The following S100PBP variants were observed in gnomAD, a reference collection of about 807,000 sequenced individuals.
The protein encoded by S100PBP is S100P-binding protein.
A neutral mutation model predicts 39.9 loss-of-function variants in S100PBP; 15 were observed. That is an observed-to-expected ratio of 0.38 (90% CI 0.25 to 0.58). The LOEUF is 0.58. Among genes scored for constraint, S100PBP ranks in the 20% least tolerant of loss-of-function variants. S100PBP has a pLI of 0.70. For synonymous variants in S100PBP, 178 were observed against 180.3 expected, an observed-to-expected ratio of 0.99 and a Z score of 0.10; for missense variants, 504 against 487.3, an observed-to-expected ratio of 1.03 and a Z score of -0.32.
At chr1:32,819,491 G>C (rs1638942678) in intron 1 of S100PBP, among the ~76,000 whole-genome samples, 1 of 152,202 alleles carries the variant, frequency 6.6e-6, no homozygotes, top group Non-Finnish European at 1.5e-5. Flanking sequence ...TTGAAACTGG[G>C]AGGCAGAGGT....
chr1:32,821,327 G>A (rs748542376), intron 1 of S100PBP, among the ~76,000 whole-genome samples: 1 of 151,962 alleles, frequency 6.6e-6, no homozygotes, highest in Non-Finnish European at 1.5e-5. Flanking sequence ...TGGCTTTTTT[G>A]TTGTTGTTTT....
At chr1:32,851,918 T>C (rs1417844534) in intron 5 of S100PBP, among the ~76,000 whole-genome samples, 1 of 152,222 alleles carries the variant, frequency 6.6e-6, no homozygotes, top group East Asian at 1.9e-4. Context: ...TAGTGTTTTA[T>C]TTCTGCTTCT....
intron 5 of S100PBP, chr1:32,836,883 C>A (rs1180899816): frequency 6.6e-6 from 1 of 151,962 alleles, no homozygotes; most frequent in Non-Finnish European, 1.5e-5. Flanking sequence ...TTTATTCTAT[C>A]CTCATACTTG....
At chr1:32,837,507 G>T (rs1639884930) in intron 5 of S100PBP, among the ~76,000 whole-genome samples, 1 of 144,534 alleles carries the variant, frequency 6.9e-6, no homozygotes, top group Admixed American at 6.8e-5. Context: ...GGAGGTTGCG[G>T]TGAGCCGAGA....
chr1:32,844,002 C>G (rs747493807), intron 5 of S100PBP, among the ~76,000 whole-genome samples: 6 of 152,086 alleles, frequency 3.9e-5, no homozygotes, highest in Non-Finnish European at 2.9e-5. Flanking sequence ...CAGTCTCCGC[C>G]TTCCAGGTTC....
chr1:32,858,422 C>CT lies in S100PBP; in HGVS notation c.*2387dup, dbSNP rs1640896089. ...GTTCTCTAGTGGTTAACATGGTATT[C>CT]TTTAAGAAGAAAAAACAAAGCCAAA... is the stretch of plus-strand genomic sequence containing the variant. On this transcript the variant is annotated 3_prime_UTR_variant, in exon 7 of 7. Transcript: ENST00000373475. 1 of 152,604 alleles carries CT rather than the reference C, an allele frequency of 6.6e-6. No individual in the cohort carries two copies. The highest frequency in any genetic ancestry group is 2.1e-4 in the South Asian group (1 of 4,828). The allele number at this position is 152,604 out of a possible 1,614,324, so 9.5% of individuals were successfully genotyped here.
intron 5 of S100PBP, chr1:32,834,991 T>C (rs1639753734): frequency 6.6e-6 from 1 of 151,992 alleles, no homozygotes; most frequent in Admixed American, 6.6e-5. Context: ...AATATAAAAA[T>C]TAGCTGGGCG....
chr1:32,854,220 C>T (rs1345674439), intron 6 of S100PBP, among the ~76,000 whole-genome samples: 1 of 152,094 alleles, frequency 6.6e-6, no homozygotes, highest in East Asian at 1.9e-4. Context: ...GGATTAGTTC[C>T]AGGACCCTCT....
intron 5 of S100PBP, among the ~76,000 whole-genome samples, chr1:32,845,255 G>C (rs1013243194): frequency 6.6e-6 from 1 of 152,000 alleles, no homozygotes; most frequent in Admixed American, 6.6e-5. Flanking sequence ...GGATGGTCTC[G>C]ATCTCCTGGC....
chr1:32,855,892 C>T, intron 6 of S100PBP, 32 bp from the exon 7 acceptor site: 1 of 1,473,894 alleles, frequency 6.8e-7, no homozygotes, highest in African/African-American at 1.4e-5. Context: ...GTTGAAATAG[C>T]CTTCCTGTTT....
Position 32,822,101 on chromosome 1 carries a change from T to A in S100PBP, c.-119-3212T>A, listed in dbSNP as rs548867356. On this transcript the variant is annotated intron_variant, in intron 1 of 6. Transcript: ENST00000373475. ...ACATAAGATAATTGGAAATCTGAAC[T>A]GTATATTTTATGATAAGGAATTCTT... 5.9e-5 allele frequency among the ~76,000 whole-genome samples: 9 copies of A among 152,244 alleles called. No homozygotes were observed. The South Asian group carries it at 1.9e-3, about 32-fold the overall frequency.
Position 32,839,088 on chromosome 1 carries a change from C to G in S100PBP, c.1024+9021C>G, listed in dbSNP as rs1470737580. ...AGACTACAGGCACACATCGCTGCAC[C>G]CACTACAAATCCATAGCTCTATACC... On this transcript the variant is annotated intron_variant, in intron 5 of 6. Coordinates refer to ENST00000373475, the MANE Select transcript of S100PBP (RefSeq NM_022753.4). 2.0e-5 allele frequency among the ~76,000 whole-genome samples: 3 copies of G among 152,214 alleles called. No homozygotes were observed. In the South Asian group the frequency reaches 6.2e-4, roughly 32 times the overall value.
chr1:32,847,703 G>C (rs1341749408), intron 5 of S100PBP: 2 of 150,606 alleles, frequency 1.3e-5, no homozygotes, highest in East Asian at 3.9e-4. Flanking sequence ...CTAGATCATC[G>C]CAGTTTTGTT....
In S100PBP at chr1:32,826,248, A is replaced by G. The variant is rs760292516; in HGVS notation, c.149A>G (p.Asp50Gly). The change falls in exon 3 of 7, where the codon GAT (aspartate) becomes GGT (glycine). Residue 50 changes from aspartate (D) to glycine (G), a missense_variant. Asp to Gly is a moderately conservative substitution (Grantham distance 94, BLOSUM62 -1). Coordinates refer to ENST00000373475, the MANE Select transcript of S100PBP (RefSeq NM_022753.4). ...TCAGAGGGAGAAGAAGATGATGGTG[A>G]TGTAAATTACACAGAGGAAGAGATT... ...ELSEGEEDDG[D>G]VNYTEEEIDA... The G allele has an allele frequency of 1.2e-6, 2 of 1,614,150 alleles. No individual in the cohort carries two copies. Among genetic ancestry groups the G allele is most frequent in the Non-Finnish European group, 8.5e-7 (1 of 1,180,008 alleles).
intron 5 of S100PBP, among the ~76,000 whole-genome samples, chr1:32,843,684 C>T (rs1390102756): frequency 6.6e-6 from 1 of 152,090 alleles, no homozygotes; most frequent in Non-Finnish European, 1.5e-5. Context: ...AACTCCCGAC[C>T]TCAAGTGATC....
At chr1:32,834,002 TA>T in intron 5 of S100PBP, 2 of 307,578 alleles carry the variant, frequency 6.5e-6, no homozygotes, top group South Asian at 3.2e-5. Flanking sequence ...TTCTGGTCAA[TA>T]AATGTTTATG....
In S100PBP at chr1:32,830,543, T is replaced by TC. The variant is rs150739100; in HGVS notation, c.1024+477dup. ...AAGGTTTGGCTACCTTCCAGATCCT[T>TC]CAAGTTGTGTTCTCCCCACTTCATT... On this transcript the variant is annotated intron_variant, in intron 5 of 6. Transcript: ENST00000373475. 8.3e-3 allele frequency among the ~76,000 whole-genome samples: 1,261 copies of TC among 152,342 alleles called. 9 individuals carry two copies. The highest frequency in any genetic ancestry group is 0.014 in the Non-Finnish European group (984 of 68,032).
rs12126851 is a variant in S100PBP at position 32,856,195 on chromosome 1, G to A, written c.*157G>A. On this transcript the variant is annotated 3_prime_UTR_variant, in exon 7 of 7. Transcript: ENST00000373475. ...TCGTCACCTTTTGGAAATGCCCATT[G>A]CCGACTTGAATTTTTTTGTATGAAG... 0.064 allele frequency: 30,273 copies of A among 475,864 alleles called. 1,259 individuals are homozygous for A. Among genetic ancestry groups the A allele is most frequent in the East Asian group, 0.15 (4,355 of 28,650 alleles). The allele number at this position is 475,864 out of a possible 1,614,324, so 29.5% of individuals were successfully genotyped here. A position where few individuals can be genotyped will look rare whatever the true frequency, so the allele number is the denominator to read the frequency against.
chr1:32,846,114 T>G (rs1273564181), intron 5 of S100PBP, among the ~76,000 whole-genome samples: 1 of 151,760 alleles, frequency 6.6e-6, no homozygotes, highest in African/African-American at 2.4e-5. Flanking sequence ...CTCAGCCTCC[T>G]GAGTAGCTGG....
Sources: gnomAD v4.1 joint callset for allele counts (sites outside exome capture counted in the v4.1 genomes callset) on GRCh38, gnomAD v4.1.1 for gene constraint, MANE v1.5 for transcripts, NCBI Gene and HGNC (gene_info 2026-07-23, HGNC 2026-07-21) for gene names.